UGGT2: variants seen among roughly 807,000 people sequenced by gnomAD.
The protein encoded by UGGT2 is UDP-glucose glycoprotein glucosyltransferase 2.
Under a neutral mutation model 192.1 loss-of-function variants are expected in UGGT2, and 180 were observed. That is an observed-to-expected ratio of 0.94 (90% confidence interval 0.83 to 1.06). The LOEUF is 1.06. UGGT2 is among the 50% of genes least tolerant of loss of function. The pLI is 0.00. For missense variants in UGGT2, 1,849 were observed against 1,795.7 expected, an observed-to-expected ratio of 1.03 and a Z score of -0.54; for synonymous variants, 580 against 591.0, an observed-to-expected ratio of 0.98 and a Z score of 0.27.
chr13:95,972,269 G>C (rs1473923871), intron 11 of UGGT2, among the ~76,000 whole-genome samples: 1 of 151,972 alleles, frequency 6.6e-6, no homozygotes, highest in Non-Finnish European at 1.5e-5. Context: ...CTGGTATCTG[G>C]TTGTTCAGTC....
intron 12 of UGGT2, among the ~76,000 whole-genome samples, chr13:95,955,032 A>T (rs1272720295): frequency 1.3e-5 from 2 of 152,250 alleles, no homozygotes; most frequent in Non-Finnish European, 2.9e-5. Flanking sequence ...AGTAGAGGGC[A>T]TAAAGAACAA....
intron 12 of UGGT2, among the ~76,000 whole-genome samples, chr13:95,969,680 A>G (rs1458534381): frequency 6.6e-6 from 1 of 152,222 alleles, no homozygotes; most frequent in African/African-American, 2.4e-5. Context: ...AGAAAGGGTG[A>G]TATGATCAAA....
At chr13:95,862,038 G>A (rs1170235732) in intron 31 of UGGT2, among the ~76,000 whole-genome samples, 2 of 152,056 alleles carry the variant, frequency 1.3e-5, no homozygotes, top group Non-Finnish European at 2.9e-5. Flanking sequence ...TTTAATGGAA[G>A]CTTTTAGTAA....
At chr13:95,849,707 G>A (rs1888834618) in intron 36 of UGGT2, among the ~76,000 whole-genome samples, 1 of 151,622 alleles carries the variant, frequency 6.6e-6, no homozygotes, top group African/African-American at 2.4e-5. Context: ...TTTGGTTCAG[G>A]GGTACATGTA....
chr13:95,879,230 T>G (rs929206887), intron 27 of UGGT2, among the ~76,000 whole-genome samples: 1 of 152,184 alleles, frequency 6.6e-6, no homozygotes, highest in African/African-American at 2.4e-5. Context: ...TGAATAACAG[T>G]ATCTTCTTAA....
intron 38 of UGGT2, among the ~76,000 whole-genome samples, chr13:95,817,903 AAAC>A (rs561791639): frequency 1.2e-4 from 19 of 152,170 alleles, no homozygotes; most frequent in Non-Finnish European, 2.6e-4. Flanking sequence ...ATTAAAATGA[AAAC>A]AACAACTTCT....
At chr13:95,973,688 T>C (rs1022428231) in intron 10 of UGGT2, among the ~76,000 whole-genome samples, 4 of 152,180 alleles carry the variant, frequency 2.6e-5, no homozygotes, top group African/African-American at 9.6e-5. Flanking sequence ...GTAGTCAAGA[T>C]CACAGTGTAA....
rs184520124 is a variant in UGGT2 at position 95,893,605 on chromosome 13, T to C, written c.2855+957A>G. On this transcript the variant is annotated intron_variant, in intron 24 of 38. Coordinates refer to ENST00000376747, the MANE Select transcript of UGGT2 (RefSeq NM_020121.4). ...CAGAGTGTGACTTTAATGTAGAAAT[T>C]TACATATAAATTTAACCGTATTTAT... Among the ~76,000 whole-genome samples the C allele has an allele frequency of 5.0e-3, 761 of 152,260 alleles. 1 individual carries two copies. The highest frequency in any genetic ancestry group is 0.013 in the Admixed American group (203 of 15,282).
intron 1 of UGGT2, among the ~76,000 whole-genome samples, chr13:96,052,735 C>T (rs1303540810): frequency 2.6e-5 from 4 of 152,168 alleles, no homozygotes; most frequent in Admixed American, 6.5e-5. Context: ...AAAAATATTA[C>T]CTTGCAGGAA....
chr13:95,813,031 A>G (rs1884655458), intron 38 of UGGT2, among the ~76,000 whole-genome samples: 1 of 148,450 alleles, frequency 6.7e-6, no homozygotes, highest in Non-Finnish European at 1.5e-5. Flanking sequence ...AGAACCATGA[A>G]CCATAAATCT....
chr13:95,915,210 G>C (rs2048643515), intron 20 of UGGT2, among the ~76,000 whole-genome samples: 1 of 152,126 alleles, frequency 6.6e-6, no homozygotes, highest in Non-Finnish European at 1.5e-5. Flanking sequence ...AATTCCTTCA[G>C]GTCATTGCTG....
Position 95,877,747 on chromosome 13 carries a change from C to G in UGGT2, c.3338G>C (p.Gly1113Ala), listed in dbSNP as rs2047381927. ...QPPRGLQFTL[G>A]TKNKPAVVDT... ...AACCACAGCAGGTTTATTTTTTGTG[C>G]CTAGTGTGAACTGCAGACCCCGAGG... Residue 1113 changes from glycine (G) to alanine (A), a missense_variant, in exon 28 of 39, where the codon GGC becomes GCC. Physicochemically the swap from Gly to Ala is moderately conservative, Grantham distance 60. Coordinates refer to ENST00000376747, the MANE Select transcript of UGGT2 (RefSeq NM_020121.4). 2 of 1,613,766 alleles carry G rather than the reference C, an allele frequency of 1.2e-6. No individual in the cohort carries two copies. The highest frequency in any genetic ancestry group is 1.7e-6 in the Non-Finnish European group (2 of 1,179,936).
Position 95,947,075 on chromosome 13 carries a change from C to A in UGGT2, c.1639G>T (p.Glu547Ter). The A allele has an allele frequency of 1.2e-6, 2 of 1,608,488 alleles. No individual in the cohort carries two copies. Among genetic ancestry groups the A allele is most frequent in the Non-Finnish European group, 1.7e-6 (2 of 1,178,552 alleles). The change falls in exon 15 of 39, where the codon GAA becomes TAA. Residue 547 changes from glutamate to a stop codon, truncating the protein, a stop_gained. Coordinates refer to ENST00000376747, the MANE Select transcript of UGGT2 (RefSeq NM_020121.4). LOFTEE classifies it high-confidence loss of function. ...LWRAFNYIAEEFDISEAFISI... is the reference protein window; with the variant it reads ...LWRAFNYIAE Reference sequence around the variant, plus strand: ...ATAAATGCTTCTGATATATCAAATTCTTCTGCAATATAGTTGAAAGCTCGC... The same window carrying A: ...ATAAATGCTTCTGATATATCAAATTATTCTGCAATATAGTTGAAAGCTCGC...
At chr13:95,828,180 G>C (rs890672846) in intron 38 of UGGT2, among the ~76,000 whole-genome samples, 1 of 152,036 alleles carries the variant, frequency 6.6e-6, no homozygotes, top group Non-Finnish European at 1.5e-5. Flanking sequence ...AGTGTGTAGA[G>C]GGAAATTTAT....
At chr13:95,884,880 T>C (rs2047601590) in intron 26 of UGGT2, among the ~76,000 whole-genome samples, 200 bp from the exon 27 acceptor site, 1 of 152,218 alleles carries the variant, frequency 6.6e-6, no homozygotes, top group African/African-American at 2.4e-5. Context: ...TAAGTCTATG[T>C]ATATTATCTA....
In UGGT2 at chr13:95,914,612, TAAAAAAAAAAAAAAAA is replaced by T. The variant is rs146990164; in HGVS notation, c.2295+11052_2295+11067del. 8.6e-5 allele frequency among the ~76,000 whole-genome samples: 7 copies of T among 80,998 alleles called. 1 individual carries two copies. Among genetic ancestry groups the T allele is most frequent in the Admixed American group, 1.7e-4 (1 of 5,856 alleles). 53.1% of individuals were successfully genotyped at this position (80,998 alleles called of 152,430 possible). ...CATTATGGTGAAACTCCATCTCTACTAAAAAAAAAAAAAAAAAAAAAAAAAAAAAAAAAAAAAATTA... is the reference window on the plus strand; with the variant it reads ...CATTATGGTGAAACTCCATCTCTACTAAAAAAAAAAAAAAAAAAAAAATTA... On this transcript the variant is annotated intron_variant, in intron 20 of 38. Coordinates refer to ENST00000376747, the MANE Select transcript of UGGT2 (RefSeq NM_020121.4).
At chr13:95,983,560 A>G (rs1372547942) in intron 10 of UGGT2, 1 of 580,402 alleles carries the variant, frequency 1.7e-6, no homozygotes, top group South Asian at 1.5e-5. Flanking sequence ...TCCTATGAAG[A>G]AAACCATACT....
chr13:95,836,634 C>A (rs1264037383), intron 37 of UGGT2, among the ~76,000 whole-genome samples: 1 of 152,108 alleles, frequency 6.6e-6, no homozygotes, highest in African/African-American at 2.4e-5. Context: ...CCAGTAAAAC[C>A]CCTGGACACT....
Position 95,983,245 on chromosome 13 carries a change from A to C in UGGT2, c.1092+559T>G, listed in dbSNP as rs114747505. On this transcript the variant is annotated intron_variant, in intron 10 of 38. Coordinates refer to ENST00000376747, the MANE Select transcript of UGGT2 (RefSeq NM_020121.4). ...TACAGGTAAGAAGTGAGAAAAATGA[A>C]CTCCTAGTGTTTAGGGCCCTGTGAG... Among the ~76,000 whole-genome samples, 305 of 152,094 alleles carry C rather than the reference A, an allele frequency of 2.0e-3. 2 individuals are homozygous for C. Among genetic ancestry groups the C allele is most frequent in the African/African-American group, 6.4e-3 (267 of 41,500 alleles).
Sources: allele counts gnomAD v4.1 joint callset (sites outside exome capture counted in the v4.1 genomes callset), GRCh38; gene constraint gnomAD v4.1.1; transcripts MANE v1.5; gene names NCBI Gene and HGNC (gene_info 2026-07-23, HGNC 2026-07-21).